Variants in CST8 observed in about 807,000 individuals in gnomAD.
CST8 encodes cystatin 8.
Under a neutral mutation model 11.8 loss-of-function variants are expected in CST8, and 20 were observed. The ratio of observed to expected loss-of-function variants is 1.70; its 90% confidence interval spans 1.20 to 2.47. The LOEUF is 2.47. Ranked by LOEUF, CST8 falls within the 30% of genes most tolerant of loss-of-function variation. The probability of loss-of-function intolerance (pLI) is 0.00; values close to 1 mark genes in which losing one functional copy is unlikely to be tolerated. For synonymous variants in CST8, 77 were observed against 63.1 expected (o/e 1.22, Z -1.05); for missense variants, 196 against 167.2 (o/e 1.17, Z -0.95).
Position 23,491,871 on chromosome 20 carries a change from G to A in CST8, c.204G>A (p.Val68=). The change falls in exon 2 of 4, where the codon GTG becomes GTA. Residue 68 remains valine (V), a synonymous_variant. Coordinates refer to ENST00000246012, the MANE Select transcript of CST8 (RefSeq NM_005492.4). ...GCGAGGACAAGTATGTCTTCCTGGT[G>A]GTCAAGACACTGCAAGCCCAGCTTC... The part of the protein sequence containing the change: ...KESEDKYVFL[V]VKTLQAQLQV... 1 of 1,614,090 alleles carries A rather than the reference G, an allele frequency of 6.2e-7. No individual in the cohort carries two copies. Among genetic ancestry groups the A allele is most frequent in the African/African-American group, 1.3e-5 (1 of 75,058 alleles).
At position 23,491,548 on chromosome 20, in the gene CST8, AGTGT is replaced by A; in HGVS notation, c.-116_-113del. ...AGCTGGGCTGACGCTAACAGGAGGC[AGTGT>A]GTGGCTCGAAGATTCTTGAACCCAC... On this transcript the variant is annotated 5_prime_UTR_variant, in exon 2 of 4. Transcript: ENST00000246012. 1 of 747,108 alleles carries A rather than the reference AGTGT, an allele frequency of 1.3e-6. No homozygotes were observed. Among genetic ancestry groups the A allele is most frequent in the South Asian group, 1.7e-5 (1 of 60,322 alleles). 46.3% of individuals were successfully genotyped at this position (747,108 alleles called of 1,614,324 possible).
the CST8 span, among the ~76,000 whole-genome samples, chr20:23,501,597 C>A: frequency 1.3e-5 from 2 of 152,200 alleles, no homozygotes; most frequent in Non-Finnish European, 2.9e-5. Flanking sequence ...TGCACCTTGG[C>A]CCCTTGTGTA....
chr20:23,496,463 C>T (rs1988050272), downstream of CST8, among the ~76,000 whole-genome samples: 1 of 152,088 alleles, frequency 6.6e-6, no homozygotes, highest in Non-Finnish European at 1.5e-5. Flanking sequence ...TCACAGAGAT[C>T]ACATGCTTCA....
chr20:23,496,864 C>G (rs2122206800), downstream of CST8, among the ~76,000 whole-genome samples: 1 of 152,292 alleles, frequency 6.6e-6, no homozygotes, highest in East Asian at 1.9e-4. Context: ...AGAAATATGT[C>G]TCTGTTCTGC....
At chr20:23,505,057 T>TA in the CST8 span, among the ~76,000 whole-genome samples, 1 of 152,036 alleles carries the variant, frequency 6.6e-6, no homozygotes, top group Non-Finnish European at 1.5e-5. Context: ...TTGCAATTGT[T>TA]ACAGGCAATC....
chr20:23,498,565 A>C (rs1163982779), downstream of CST8, among the ~76,000 whole-genome samples: 1 of 152,144 alleles, frequency 6.6e-6, no homozygotes, highest in Non-Finnish European at 1.5e-5. Flanking sequence ...TTCAGGCAGC[A>C]GAGACAAGTG....
At chr20:23,503,086 C>T in the CST8 span, among the ~76,000 whole-genome samples, 2,129 of 151,688 alleles carry the variant, frequency 0.014, 35 homozygotes, top group African/African-American at 0.047. Flanking sequence ...CTGATTGATA[C>T]GTTGAAAAAA....
downstream of CST8, among the ~76,000 whole-genome samples, chr20:23,500,054 A>G (rs1988146569): frequency 6.6e-6 from 1 of 151,420 alleles, no homozygotes; most frequent in African/African-American, 2.4e-5. Flanking sequence ...AAGGGAGAAT[A>G]GAGACACAGA....
Position 23,491,686 on chromosome 20 carries a change from C to G in CST8, c.19C>G (p.Leu7Val). ...AGGGACCATGCCCAGGTGCCGGTGG[C>G]TCTCCCTGATCCTCCTCACCATTCC... MPRCRWLSLILLTIPLA... is the reference protein window; with the variant it reads MPRCRWVSLILLTIPLA... The change falls in exon 2 of 4, where the codon CTC becomes GTC. Residue 7 changes from leucine (L) to valine (V), a missense_variant. Physicochemically the swap from Leu to Val is conservative, Grantham distance 32 (BLOSUM62 1). Coordinates refer to ENST00000246012, the MANE Select transcript of CST8 (RefSeq NM_005492.4). The G allele has an allele frequency of 6.2e-7, 1 of 1,613,888 alleles. No homozygotes were observed.
chr20:23,497,523 T>C (rs1340904027), downstream of CST8, among the ~76,000 whole-genome samples: 1 of 152,224 alleles, frequency 6.6e-6, no homozygotes, highest in East Asian at 1.9e-4. Flanking sequence ...AATTGGGGGA[T>C]TTGTGTTTCT....
the CST8 span, among the ~76,000 whole-genome samples, chr20:23,504,660 T>C: frequency 6.6e-6 from 1 of 152,134 alleles, no homozygotes; most frequent in African/African-American, 2.4e-5. Context: ...AGAAAATATA[T>C]GATAAAAATA....
the CST8 span, among the ~76,000 whole-genome samples, chr20:23,505,522 G>GA: frequency 2.0e-5 from 3 of 150,228 alleles, no homozygotes; most frequent in East Asian, 2.0e-4. Flanking sequence ...AGTAGGAGAG[G>GA]AAAAAAAAAA....
the CST8 span, among the ~76,000 whole-genome samples, chr20:23,505,786 G>T: frequency 6.6e-6 from 1 of 152,088 alleles, no homozygotes; most frequent in African/African-American, 2.4e-5. Context: ...GCTGAATCTC[G>T]TGCCCATCCT....
downstream of CST8, among the ~76,000 whole-genome samples, chr20:23,497,011 C>T (rs983557691): frequency 2.6e-5 from 4 of 152,086 alleles, no homozygotes; most frequent in East Asian, 3.8e-4. Flanking sequence ...GTGCAGTTAA[C>T]GCAATCATCA....
Position 23,495,987 on chromosome 20 carries a change from G to A in CST8, c.*73G>A. On this transcript the variant is annotated 3_prime_UTR_variant, in exon 4 of 4. Coordinates refer to ENST00000246012, the MANE Select transcript of CST8 (RefSeq NM_005492.4). ...AAAATGAAGCAATGGCAGGTGGGAG[G>A]CTCTTCCCAATGTGCTTTCTTCATG... 2.5e-6 allele frequency: 3 copies of A among 1,207,312 alleles called. No individual in the cohort carries two copies. The highest frequency in any genetic ancestry group is 2.6e-5 in the South Asian group (2 of 75,828). The allele number at this position is 1,207,312 out of a possible 1,614,324, so 74.8% of individuals were successfully genotyped here.
chr20:23,493,413 G>A (rs1197241224), intron 3 of CST8, among the ~76,000 whole-genome samples: 2 of 152,142 alleles, frequency 1.3e-5, no homozygotes, highest in Non-Finnish European at 2.9e-5. Flanking sequence ...CACTATTGCT[G>A]GGCCCATGGT....
chr20:23,504,765 G>A, the CST8 span, among the ~76,000 whole-genome samples: 1 of 152,062 alleles, frequency 6.6e-6, no homozygotes, highest in Non-Finnish European at 1.5e-5. Flanking sequence ...TTTTATTGAT[G>A]GAACAAAAGA....
intron 3 of CST8, 56 bp from the exon 4 acceptor site, chr20:23,495,771 TTTTC>T (rs1988024576): frequency 8.2e-7 from 1 of 1,212,134 alleles, no homozygotes; most frequent in Non-Finnish European, 1.2e-6. Flanking sequence ...ATTGTTTTTC[TTTTC>T]TTTTTTTTTT....
the CST8 span, among the ~76,000 whole-genome samples, chr20:23,504,659 A>G: frequency 6.6e-6 from 1 of 152,220 alleles, no homozygotes; most frequent in Non-Finnish European, 1.5e-5. Context: ...TAGAAAATAT[A>G]TGATAAAAAT....
Sources: allele counts gnomAD v4.1 joint callset (sites outside exome capture counted in the v4.1 genomes callset), GRCh38; gene constraint gnomAD v4.1.1; transcripts MANE v1.5; gene names NCBI Gene and HGNC (gene_info 2026-07-23, HGNC 2026-07-21).